The following BRCA2 variants were observed in gnomAD, a reference collection of about 807,000 sequenced individuals.
The protein encoded by BRCA2 is breast cancer type 2 susceptibility protein.
In BRCA2, 203 loss-of-function variants were observed where a neutral mutation model predicts 276.7. That is an observed-to-expected ratio of 0.73 (90% CI 0.65 to 0.82). The LOEUF (loss-of-function observed/expected upper bound fraction) is 0.82. BRCA2 is among the 40% of genes least tolerant of loss of function. The pLI is 0.00. For missense variants in BRCA2, 3,920 were observed against 3,915.0 expected, an observed-to-expected ratio of 1.00 and a Z score of -0.03; for synonymous variants, 1,289 against 1,338.4, an observed-to-expected ratio of 0.96 and a Z score of 0.81.
chr13:32,354,788 G>A (rs2137554720), intron 13 of BRCA2, 73 bp from the exon 14 acceptor site: 1 of 1,074,684 alleles, frequency 9.3e-7, no homozygotes, highest in Non-Finnish European at 1.4e-6. Context: ...ATGAGGGTCT[G>A]CAACAAAGGC....
Position 32,336,706 on chromosome 13 carries a change from T to C in BRCA2, c.2351T>C (p.Met784Thr), listed in dbSNP as rs1555282633. Residue 784 changes from methionine to threonine, a missense_variant, in exon 11 of 27, where the codon ATG (methionine) becomes ACG (threonine). By Grantham distance (81) the Met-to-Thr change is moderately conservative. Transcript: ENST00000380152. The stretch of plus-strand genomic sequence containing the variant: ...AAGGATGTTCTGTCAAACCTAGTCA[T>C]GATTTCTAGAGGCAAAGAATCATAC... ...TSKDVLSNLVMISRGKESYKM... is the reference protein window; with the variant it reads ...TSKDVLSNLVTISRGKESYKM... The C allele has an allele frequency of 6.2e-7, 1 of 1,614,006 alleles. No individual in the cohort carries two copies. Among genetic ancestry groups the C allele is most frequent in the Non-Finnish European group, 8.5e-7 (1 of 1,179,944 alleles).
At chr13:32,334,334 C>T (rs1257642178) in intron 10 of BRCA2, among the ~76,000 whole-genome samples, 1 of 152,014 alleles carries the variant, frequency 6.6e-6, no homozygotes, top group Non-Finnish European at 1.5e-5. Context: ...AATTGGACAA[C>T]TCATATAAAT....
In BRCA2 at chr13:32,341,138, A is replaced by C; in HGVS notation, c.6783A>C (p.Glu2261Asp). Reference sequence around the variant, plus strand: ...TTTTTACATGTCCCGAAAATGAGGAAATGGTTTTGTCAAATTCAAGAATTG... The same window carrying C: ...TTTTTACATGTCCCGAAAATGAGGACATGGTTTTGTCAAATTCAAGAATTG... ...HSLFTCPENE[E>D]MVLSNSRIGK... Residue 2261 changes from glutamate to aspartate, a missense_variant, in exon 11 of 27, where the codon GAA (glutamate) becomes GAC (aspartate). This residue lies in a region of BRCA2 where 3,263 missense variants were observed against 3,156.9 expected (regional missense o/e 1.03). Coordinates refer to ENST00000380152, the MANE Select transcript of BRCA2 (RefSeq NM_000059.4). 6.2e-7 allele frequency: 1 copy of C among 1,613,950 alleles called. No individual in the cohort carries two copies. The highest frequency in any genetic ancestry group is 8.5e-7 in the Non-Finnish European group (1 of 1,179,912).
At chr13:32,353,389 G>A (rs182231475) in intron 13 of BRCA2, among the ~76,000 whole-genome samples, 1 of 152,178 alleles carries the variant, frequency 6.6e-6, no homozygotes, top group African/African-American at 2.4e-5. Context: ...GAAGCCGGGG[G>A]ATCCTTTTAA....
At chr13:32,374,638 A>G (rs1365206769) in intron 20 of BRCA2, among the ~76,000 whole-genome samples, 1 of 152,202 alleles carries the variant, frequency 6.6e-6, no homozygotes, top group Non-Finnish European at 1.5e-5. Context: ...CCAGTTCCCA[A>G]TAAGATCCTC....
intron 25 of BRCA2, among the ~76,000 whole-genome samples, chr13:32,395,835 A>G (rs926206677): frequency 6.6e-6 from 1 of 152,058 alleles, no homozygotes; most frequent in Non-Finnish European, 1.5e-5. Flanking sequence ...TAGAGACTCT[A>G]TGCATAATGA....
rs551118628 is a variant in BRCA2, at chr13:32,374,299, A to G, written c.8633-2371A>G. ...ATTAACGTTTGTTTCCTTGTTACTT[A>G]TGCAAACTTCTGCAGCTGGCTTGAA... is the stretch of plus-strand genomic sequence containing the variant. On this transcript the variant is annotated intron_variant, in intron 20 of 26. Coordinates refer to ENST00000380152, the MANE Select transcript of BRCA2 (RefSeq NM_000059.4). Among the ~76,000 whole-genome samples, 6 of 152,340 alleles carry G rather than the reference A, an allele frequency of 3.9e-5. No homozygotes were observed. The East Asian group carries it at 9.6e-4, about 24-fold the overall frequency.
rs2072863604 is a variant in BRCA2, at chr13:32,375,330, A to T, written c.8633-1340A>T. The stretch of plus-strand genomic sequence containing the variant: ...TAATTCTAGTTCTCTTGCTATTTTC[A>T]CCATATATGCAGTTACTTCCTCCAC... On this transcript the variant is annotated intron_variant, in intron 20 of 26. Coordinates refer to ENST00000380152, the MANE Select transcript of BRCA2 (RefSeq NM_000059.4). 2.3e-6 allele frequency: 1 copy of T among 437,134 alleles called. No homozygotes were observed. The allele number at this position is 437,134 out of a possible 1,614,324, so 27.1% of individuals were successfully genotyped here.
rs730881517 is a variant in BRCA2, at chr13:32,337,198, T to C, written c.2843T>C (p.Val948Ala). 1.9e-6 allele frequency: 3 copies of C among 1,613,674 alleles called. No individual in the cohort carries two copies. The highest frequency in any genetic ancestry group is 2.5e-6 in the Non-Finnish European group (3 of 1,179,850). ...ATQVSIKKDL[V>A]YVLAEENKNS... Reference sequence around the variant, plus strand: ...CAAGTGTCAATTAAAAAAGATTTGGTTTATGTTCTTGCAGAGGAGAACAAA... The same window carrying C: ...CAAGTGTCAATTAAAAAAGATTTGGCTTATGTTCTTGCAGAGGAGAACAAA... The change falls in exon 11 of 27, where the codon GTT (valine) becomes GCT (alanine). Residue 948 changes from valine to alanine, a missense_variant. This residue lies in a region of BRCA2 where 3,263 missense variants were observed against 3,156.9 expected (regional missense o/e 1.03). Transcript: ENST00000380152.
intron 16 of BRCA2, among the ~76,000 whole-genome samples, chr13:32,361,300 C>T (rs747888357): frequency 7.2e-5 from 11 of 152,066 alleles, no homozygotes; most frequent in South Asian, 2.1e-4. Flanking sequence ...TGAGATTGGC[C>T]GCTGGATTTA....
intron 21 of BRCA2, among the ~76,000 whole-genome samples, 190 bp from the exon 22 acceptor site, chr13:32,379,127 C>G (rs932779880): frequency 6.6e-6 from 1 of 151,914 alleles, no homozygotes; most frequent in Non-Finnish European, 1.5e-5. Flanking sequence ...TCATTTTTGC[C>G]GTAGGGAAAT....
chr13:32,358,731 C>T (rs1030645498), intron 16 of BRCA2, among the ~76,000 whole-genome samples: 31 of 150,908 alleles, frequency 2.1e-4, no homozygotes, highest in Non-Finnish European at 8.9e-5. Context: ...GTCAGGAGTT[C>T]GAGACCAGCC....
rs550262987 is a variant in BRCA2, at chr13:32,377,996, A to G, written c.8754+1205A>G. Among the ~76,000 whole-genome samples the G allele has an allele frequency of 8.5e-5, 13 of 152,308 alleles. No homozygotes were observed. In the South Asian group the frequency reaches 2.7e-3, roughly 32 times the overall value. On this transcript the variant is annotated intron_variant, in intron 21 of 26. Transcript: ENST00000380152. ...TGTTACAATTTGGGTTCTCCCTGTG[A>G]GAAGTGAGTCCGGTTTTAAAACCTG...
intron 24 of BRCA2, among the ~76,000 whole-genome samples, chr13:32,389,845 G>A (rs2072985250): frequency 6.6e-6 from 1 of 152,092 alleles, no homozygotes. Context: ...TTGGTCCCTG[G>A]CAGTTTTTTC....
intron 10 of BRCA2, 66 bp from the exon 11 acceptor site, chr13:32,336,199 T>C: frequency 1.3e-6 from 2 of 1,512,460 alleles, no homozygotes; most frequent in Non-Finnish European, 1.8e-6. Flanking sequence ...TTTAACTTAG[T>C]GAAAAATATT....
At chr13:32,334,688 GA>G (rs947410734) in intron 10 of BRCA2, among the ~76,000 whole-genome samples, 45 of 145,212 alleles carry the variant, frequency 3.1e-4, no homozygotes, top group East Asian at 6.0e-4. Flanking sequence ...AAAAAAAAAA[GA>G]AAAAAAAAAT....
At position 32,326,117 on chromosome 13, in the gene BRCA2, T is replaced by A. The variant is rs80358677; in HGVS notation, c.442T>A (p.Cys148Ser). ...TTATTTTAGTCCTGTTGTTCTACAA[T>A]GTACACATGTAACACCACAAAGAGA... is the stretch of plus-strand genomic sequence containing the variant. Reference protein sequence around the residue: ...CLSESPVVLQCTHVTPQRDKS... With the variant: ...CLSESPVVLQSTHVTPQRDKS... Residue 148 changes from cysteine to serine, a missense_variant, in exon 5 of 27, where the codon TGT (cysteine) becomes AGT (serine). By Grantham distance (112) the Cys-to-Ser change is moderately radical. Transcript: ENST00000380152. The A allele has an allele frequency of 6.2e-7, 1 of 1,610,246 alleles. No homozygotes were observed. Among genetic ancestry groups the A allele is most frequent in the Non-Finnish European group, 8.5e-7 (1 of 1,178,202 alleles).
In BRCA2 at chr13:32,337,575, A is replaced by T. The variant is rs145605603; in HGVS notation, c.3220A>T (p.Ser1074Cys). 2.5e-6 allele frequency: 4 copies of T among 1,601,914 alleles called. No homozygotes were observed. The East Asian group carries it at 8.9e-5, about 36-fold the overall frequency. Reference protein sequence around the residue: ...SINTVSAHLQSSVVVSDCKNS... With the variant: ...SINTVSAHLQCSVVVSDCKNS... ...TAATACTGTATCTGCACATTTACAG[A>T]GTAGTGTAGTTGTTTCTGATTGTAA... is the stretch of plus-strand genomic sequence containing the variant. The change falls in exon 11 of 27, where the codon AGT (serine) becomes TGT (cysteine). Residue 1074 changes from serine to cysteine, a missense_variant. By Grantham distance (112) the Ser-to-Cys change is moderately radical. Transcript: ENST00000380152.
Position 32,339,114 on chromosome 13 carries a change from G to A in BRCA2, c.4759G>A (p.Ala1587Thr), listed in dbSNP as rs56137239. ...ELACETIEIT[A>T]APKCKEMQNS... Reference sequence around the variant, plus strand: ...AGCATGTGAGACCATTGAGATCACAGCTGCCCCAAAGTGTAAAGAAATGCA... The same window carrying A: ...AGCATGTGAGACCATTGAGATCACAACTGCCCCAAAGTGTAAAGAAATGCA... The change falls in exon 11 of 27, where the codon GCT becomes ACT. Residue 1587 changes from alanine to threonine, a missense_variant. Around this residue, in one of 2 missense-constraint regions of BRCA2, gnomAD observed 3,263 missense variants for 3,156.9 expected, o/e 1.03. Transcript: ENST00000380152. 5.0e-6 allele frequency: 8 copies of A among 1,613,844 alleles called. No individual in the cohort carries two copies. The highest frequency in any genetic ancestry group is 4.0e-5 in the African/African-American group (3 of 74,894).
Sources: allele counts gnomAD v4.1 joint callset (sites outside exome capture counted in the v4.1 genomes callset), GRCh38; gene constraint gnomAD v4.1.1; regional missense constraint gnomAD v4.1.1; transcripts MANE v1.5; gene names NCBI Gene and HGNC (gene_info 2026-07-23, HGNC 2026-07-21).